Variants in DDX60 observed in about 807,000 individuals in gnomAD.
DDX60 encodes the protein probable ATP-dependent RNA helicase DDX60.
A neutral mutation model predicts 212.8 loss-of-function variants in DDX60; 165 were observed. The ratio of observed to expected loss-of-function variants is 0.78; its 90% CI spans 0.68 to 0.88. The LOEUF is 0.88. Among genes scored for constraint, DDX60 ranks in the 40% least tolerant of loss-of-function variants. The probability of loss-of-function intolerance (pLI) is 0.00; values close to 1 mark genes in which losing one functional copy is unlikely to be tolerated. For synonymous variants in DDX60, 703 were observed against 685.3 expected (o/e 1.03, Z -0.40); for missense variants, 1,905 against 2,003.9 (o/e 0.95, Z 0.94).
Position 168,280,600 on chromosome 4 carries a change from AG to A in DDX60, c.1723-11del, listed in dbSNP as rs761018407. ...TTTCAGCCTTGGTCTCCTGCCCCAA[AG>A]GAAAAAACATCTCTTAAGACAAGTT... On this transcript the variant is annotated splice_polypyrimidine_tract_variant and intron_variant, in intron 13 of 37. Coordinates refer to ENST00000393743, the MANE Select transcript of DDX60 (RefSeq NM_017631.6). 56 of 1,597,046 alleles carry A rather than the reference AG, an allele frequency of 3.5e-5. No homozygotes were observed. The highest frequency in any genetic ancestry group is 3.4e-4 in the Middle Eastern group (2 of 5,924).
Position 168,301,130 on chromosome 4 carries a change from T to C in DDX60, c.723+1170A>G, listed in dbSNP as rs114261048. ...AAAATAAAATAACTTTCTGTGTATA[T>C]AAAAATTGAACAAAAAAGTGAATAT... On this transcript the variant is annotated intron_variant, in intron 6 of 37. Transcript: ENST00000393743. Among the ~76,000 whole-genome samples the C allele has an allele frequency of 8.3e-4, 127 of 152,238 alleles. 1 individual carries two copies. The highest frequency in any genetic ancestry group is 3.0e-3 in the African/African-American group (126 of 41,540).
intron 2 of DDX60, 26 bp from the exon 3 acceptor site, chr4:168,311,093 G>C: frequency 1.4e-6 from 2 of 1,474,994 alleles, no homozygotes; most frequent in Non-Finnish European, 1.9e-6. Flanking sequence ...AAGAGAGAAA[G>C]AGAATGGGTT....
intron 30 of DDX60, among the ~76,000 whole-genome samples, chr4:168,241,417 A>C (rs1475604793): frequency 1.3e-5 from 2 of 152,148 alleles, no homozygotes; most frequent in African/African-American, 4.8e-5. Flanking sequence ...GAACTCCCTA[A>C]AGACTTCTTG....
intron 33 of DDX60, among the ~76,000 whole-genome samples, chr4:168,231,569 T>C (rs958678759): frequency 6.6e-6 from 1 of 151,948 alleles, no homozygotes; most frequent in African/African-American, 2.4e-5. Context: ...CATATGCAAG[T>C]GAATAAATGT....
chr4:168,312,431 G>A (rs1390236467), intron 1 of DDX60, among the ~76,000 whole-genome samples: 1 of 151,290 alleles, frequency 6.6e-6, no homozygotes, highest in Non-Finnish European at 1.5e-5. Flanking sequence ...GTGTAGATGA[G>A]CTTGCTTGGA....
chr4:168,269,494 C>T (rs1486761490), intron 19 of DDX60, among the ~76,000 whole-genome samples: 1 of 151,658 alleles, frequency 6.6e-6, no homozygotes, highest in South Asian at 2.1e-4. Flanking sequence ...CCAGCTACTT[C>T]GGAGGCTGAG....
rs1232917427 is a variant in DDX60, at chr4:168,275,340, A to G, written c.2304+5T>C. The G allele has an allele frequency of 6.3e-7, 1 of 1,598,418 alleles. No homozygotes were observed. The highest frequency in any genetic ancestry group is 2.2e-5 in the East Asian group (1 of 44,640). Reference sequence around the variant, plus strand: ...CAGTAATTTTTGTTTCATTTGCAGTATTACCTGCCATGTGTCGGGAATAAA... The same window carrying G: ...CAGTAATTTTTGTTTCATTTGCAGTGTTACCTGCCATGTGTCGGGAATAAA... On this transcript the variant is annotated splice_donor_5th_base_variant and intron_variant, in intron 16 of 37. Coordinates refer to ENST00000393743, the MANE Select transcript of DDX60 (RefSeq NM_017631.6).
intron 1 of DDX60, among the ~76,000 whole-genome samples, 159 bp downstream of exon 1, chr4:168,318,463 C>A (rs6845046): frequency 0.03 from 4,520 of 152,342 alleles, 234 homozygotes; most frequent in African/African-American, 0.1. Context: ...GGGGCCCGTG[C>A]GCCACGGCCT....
intron 8 of DDX60, among the ~76,000 whole-genome samples, chr4:168,289,966 A>G (rs1736016125): frequency 1.3e-5 from 2 of 152,150 alleles, no homozygotes; most frequent in African/African-American, 2.4e-5. Context: ...CACTCTCTGC[A>G]TTGCAAGCCA....
intron 30 of DDX60, among the ~76,000 whole-genome samples, chr4:168,243,003 T>C (rs1355190629): frequency 6.6e-6 from 1 of 152,224 alleles, no homozygotes; most frequent in African/African-American, 2.4e-5. Flanking sequence ...TTATGAGATC[T>C]GATGCTTTTA....
intron 22 of DDX60, chr4:168,263,381 A>G (rs1015040865): frequency 6.6e-6 from 1 of 152,190 alleles, no homozygotes; most frequent in Admixed American, 6.5e-5. Flanking sequence ...GAAATAAAAA[A>G]TTCCTGTTCT....
In DDX60 at chr4:168,219,671, T is replaced by C. The variant is rs143787872; in HGVS notation, c.5039+984A>G. On this transcript the variant is annotated intron_variant, in intron 37 of 37. Transcript: ENST00000393743. Reference sequence around the variant, plus strand: ...ATGGAGAGAGTTGTGGCAAATTAAATATATAAAAAGGGATAGGACGAAGCA... The same window carrying C: ...ATGGAGAGAGTTGTGGCAAATTAAACATATAAAAAGGGATAGGACGAAGCA... Among the ~76,000 whole-genome samples the C allele has an allele frequency of 8.8e-3, 1,346 of 152,196 alleles. 7 individuals carry two copies. Among genetic ancestry groups the C allele is most frequent in the Middle Eastern group, 0.024 (7 of 294 alleles).
At chr4:168,303,828 A>G (rs116509839) in intron 5 of DDX60, among the ~76,000 whole-genome samples, 4,653 of 152,224 alleles carry the variant, frequency 0.031, 84 homozygotes, top group Non-Finnish European at 0.046. Flanking sequence ...CTAAAAACAC[A>G]AAAATTGGCC....
intron 5 of DDX60, among the ~76,000 whole-genome samples, chr4:168,304,347 T>C (rs990365657): frequency 6.6e-5 from 10 of 152,012 alleles, no homozygotes; most frequent in Non-Finnish European, 8.8e-5. Context: ...TTTTTTCTTT[T>C]AAGAAAAAAG....
At chr4:168,268,006 T>C in intron 20 of DDX60, 23 bp from the exon 21 acceptor site, 1 of 1,589,916 alleles carries the variant, frequency 6.3e-7, no homozygotes, top group Non-Finnish European at 8.6e-7. Context: ...ATGTACATAT[T>C]ATTTAGGCAG....
At position 168,253,321 on chromosome 4, in the gene DDX60, C is replaced by G. The variant is rs774368699; in HGVS notation, c.3558-665G>C. ...TTTTCTCTTCCTCGGCCTTCATGAC[C>G]CTGGGCTTGGATGTAAGGTAGGCAT... On this transcript the variant is annotated intron_variant, in intron 26 of 37. Transcript: ENST00000393743. Among the ~76,000 whole-genome samples the G allele has an allele frequency of 2.0e-5, 3 of 152,072 alleles. 1 individual carries two copies. The highest frequency in any genetic ancestry group is 4.4e-5 in the Non-Finnish European group (3 of 68,026).
intron 22 of DDX60, among the ~76,000 whole-genome samples, chr4:168,266,310 CT>C: frequency 6.6e-6 from 1 of 152,154 alleles, no homozygotes; most frequent in East Asian, 1.9e-4. Context: ...TTTAGGTTAG[CT>C]GTTCTTATTT....
At chr4:168,226,139 G>C (rs1733246514) in intron 33 of DDX60, among the ~76,000 whole-genome samples, 1 of 152,050 alleles carries the variant, frequency 6.6e-6, no homozygotes, top group Admixed American at 6.6e-5. Context: ...ATTCATGAAA[G>C]AGAAGTATCT....
At chr4:168,293,695 A>C in intron 7 of DDX60, 92 bp downstream of exon 7, 1 of 1,081,538 alleles carries the variant, frequency 9.2e-7, no homozygotes, top group Non-Finnish European at 1.3e-6. Context: ...AAAAACATGA[A>C]GTACCAAATA....
Sources: allele counts gnomAD v4.1 joint callset (sites outside exome capture counted in the v4.1 genomes callset), GRCh38; gene constraint gnomAD v4.1.1; transcripts MANE v1.5; gene names NCBI Gene and HGNC (gene_info 2026-07-23, HGNC 2026-07-21).